GJB6: variants seen among roughly 807,000 people sequenced by gnomAD.
GJB6 encodes the protein gap junction protein beta 6.
A neutral mutation model predicts 5.4 loss-of-function variants in GJB6; 5 were observed. That is an observed-to-expected ratio of 0.92 (90% CI 0.48 to 1.93). The LOEUF is 1.93. Among genes scored for constraint, GJB6 ranks in the 30% most tolerant of loss-of-function variants. The pLI is 0.01. For missense variants in GJB6, 298 were observed against 326.9 expected, an observed-to-expected ratio of 0.91 and a Z score of 0.68; for synonymous variants, 136 against 129.6, an observed-to-expected ratio of 1.05 and a Z score of -0.34.
rs1487535983 is a variant in GJB6, at chr13:20,231,470, C to T, written c.-384G>A. ...GACACCGGAGACAGGTCTTCTTCAC[C>T]GACAGGAAGTGCCTTCTGGTGCCTG... On this transcript the variant is annotated 5_prime_UTR_variant, in exon 2 of 5. Coordinates refer to ENST00000647029, the MANE Select transcript of GJB6 (RefSeq NM_001110219.3). 2.6e-5 allele frequency: 4 copies of T among 152,190 alleles called. No homozygotes were observed. Among genetic ancestry groups the T allele is most frequent in the Non-Finnish European group, 4.4e-5 (3 of 68,052 alleles). 9.4% of individuals were successfully genotyped at this position (152,190 alleles called of 1,614,324 possible). A position where few individuals can be genotyped will look rare whatever the true frequency, so the allele number is the denominator to read the frequency against.
At chr13:20,228,557 C>G (rs929767803) in intron 4 of GJB6, among the ~76,000 whole-genome samples, 20 of 151,250 alleles carry the variant, frequency 1.3e-4, no homozygotes, top group African/African-American at 4.1e-4. Flanking sequence ...GATCTCGGCT[C>G]ACTGCAAGCT....
intron 2 of GJB6, 169 bp from the exon 3 acceptor site, chr13:20,230,976 T>C (rs1323245040): frequency 6.6e-6 from 1 of 152,222 alleles, no homozygotes; most frequent in Non-Finnish European, 1.5e-5. Flanking sequence ...CCCCCAGTTA[T>C]GTGACAGGCT....
intron 4 of GJB6, among the ~76,000 whole-genome samples, chr13:20,226,616 G>A (rs1163128532): frequency 6.6e-6 from 1 of 152,152 alleles, no homozygotes; most frequent in Non-Finnish European, 1.5e-5. Flanking sequence ...AACTGTTGAT[G>A]TTCTATCTCA....
intron 4 of GJB6, among the ~76,000 whole-genome samples, chr13:20,223,969 GAA>G (rs751899723): frequency 1.4e-5 from 2 of 145,536 alleles, no homozygotes; most frequent in African/African-American, 2.5e-5. Flanking sequence ...ACTCTGTCTC[GAA>G]AAAAAAAAAA....
intron 4 of GJB6, among the ~76,000 whole-genome samples, chr13:20,224,481 C>T (rs761096233): frequency 1.1e-4 from 16 of 152,194 alleles, no homozygotes; most frequent in Non-Finnish European, 2.2e-4. Context: ...ACCAAGCCCA[C>T]GTTGGCTTTG....
At chr13:20,230,515 G>T (rs1332112482) in intron 3 of GJB6, among the ~76,000 whole-genome samples, 183 bp downstream of exon 3, 1 of 152,178 alleles carries the variant, frequency 6.6e-6, no homozygotes, top group Non-Finnish European at 1.5e-5. Context: ...AATGGAGCAG[G>T]CCCTCTGGGG....
intron 3 of GJB6, among the ~76,000 whole-genome samples, chr13:20,230,397 C>CT (rs1397676547): frequency 6.6e-6 from 1 of 152,220 alleles, no homozygotes; most frequent in Non-Finnish European, 1.5e-5. Context: ...TTAAGTTAAA[C>CT]TTTCCTTCTC....
chr13:20,226,823 CA>C (rs1869611817), intron 4 of GJB6, among the ~76,000 whole-genome samples: 1 of 152,086 alleles, frequency 6.6e-6, no homozygotes, highest in East Asian at 1.9e-4. Context: ...TTTGATTTAT[CA>C]AAAAATGGTT....
chr13:20,223,543 G>A, intron 4 of GJB6, 48 bp from the exon 5 acceptor site: 2 of 1,429,000 alleles, frequency 1.4e-6, no homozygotes, highest in East Asian at 2.3e-5. Context: ...AGAGGCCTTG[G>A]GAAAGTGACA....
At chr13:20,231,018 CT>C (rs916435695) in intron 2 of GJB6, 1 of 152,370 alleles carries the variant, frequency 6.6e-6, no homozygotes, top group Non-Finnish European at 1.5e-5. Flanking sequence ...CAGAACCCCC[CT>C]CTCCTCCTTG....
At chr13:20,224,869 G>A (rs1431522014) in intron 4 of GJB6, among the ~76,000 whole-genome samples, 1 of 152,140 alleles carries the variant, frequency 6.6e-6, no homozygotes, top group Admixed American at 6.5e-5. Flanking sequence ...TTATCCCTGA[G>A]TGGGTGAGGG....
At chr13:20,229,420 G>T (rs1480403744) in intron 4 of GJB6, among the ~76,000 whole-genome samples, 160 bp downstream of exon 4, 1 of 145,174 alleles carries the variant, frequency 6.9e-6, no homozygotes, top group Non-Finnish European at 1.5e-5. Flanking sequence ...CTCCCAAAGT[G>T]TTGGGATTAC....
rs868769358 is a variant in GJB6, at chr13:20,222,858, G to A, written c.623C>T (p.Ala208Val). The change falls in exon 5 of 5, where the codon GCA becomes GTA. Residue 208 changes from alanine to valine, a missense_variant. Coordinates refer to ENST00000647029, the MANE Select transcript of GJB6 (RefSeq NM_001110219.3). ...TTTCAGCAGCAGGTAGCACAACTCT[G>A]CCACGTTAAGCAGCATGCAAATCAC... ...ASVICMLLNV[A>V]ELCYLLLKVC... The A allele has an allele frequency of 6.2e-7, 1 of 1,614,084 alleles. No homozygotes were observed.
intron 4 of GJB6, among the ~76,000 whole-genome samples, chr13:20,229,182 C>G (rs2137353725): frequency 6.9e-6 from 1 of 144,668 alleles, no homozygotes. Flanking sequence ...AGAGTCTTGC[C>G]CTGTTGCCCA....
At chr13:20,227,416 G>T (rs1002471975) in intron 4 of GJB6, among the ~76,000 whole-genome samples, 6 of 152,110 alleles carry the variant, frequency 3.9e-5, no homozygotes, top group African/African-American at 1.4e-4. Flanking sequence ...GGTCACTCAG[G>T]ACAGTCTCCT....
chr13:20,229,123 C>CA (rs5802041), intron 4 of GJB6, among the ~76,000 whole-genome samples: 8,486 of 43,940 alleles, frequency 0.19, 988 homozygotes, highest in East Asian at 0.31. Flanking sequence ...TGTCATTTAG[C>CA]AAAAAAAAAA....
chr13:20,228,602 G>A (rs536388784), intron 4 of GJB6, among the ~76,000 whole-genome samples: 1 of 148,498 alleles, frequency 6.7e-6, no homozygotes, highest in Non-Finnish European at 1.5e-5. Flanking sequence ...TCCCGCCTCA[G>A]CCTCTCTGAG....
At position 20,231,365 on chromosome 13, in the gene GJB6, G is replaced by A. The variant is rs1051135545; in HGVS notation, c.-296+17C>T. Reference sequence around the variant, plus strand: ...AACCCCTCCGGGAGTGCAGAGCTGCGGGCAGGCCACACTCACCCTGACCCT... The same window carrying A: ...AACCCCTCCGGGAGTGCAGAGCTGCAGGCAGGCCACACTCACCCTGACCCT... On this transcript the variant is annotated intron_variant, in intron 2 of 4. Transcript: ENST00000647029. 1 of 152,304 alleles carries A rather than the reference G, an allele frequency of 6.6e-6. No individual in the cohort carries two copies. Among genetic ancestry groups the A allele is most frequent in the Admixed American group, 6.5e-5 (1 of 15,288 alleles). The allele number at this position is 152,304 out of a possible 1,614,324, so 9.4% of individuals were successfully genotyped here.
At chr13:20,228,651 A>ATT (rs538127118) in intron 4 of GJB6, among the ~76,000 whole-genome samples, 3 of 150,482 alleles carry the variant, frequency 2.0e-5, no homozygotes, top group Admixed American at 2.0e-4. Context: ...AGCCCGGCTA[A>ATT]TTTTTTGTAT....
Sources: allele counts gnomAD v4.1 joint callset (sites outside exome capture counted in the v4.1 genomes callset), GRCh38; gene constraint gnomAD v4.1.1; transcripts MANE v1.5; gene names NCBI Gene and HGNC (gene_info 2026-07-23, HGNC 2026-07-21).